TMEM108: variants seen among roughly 807,000 people sequenced by gnomAD.
TMEM108 encodes the protein cancer/testis antigen 124.
A neutral mutation model predicts 35.1 loss-of-function variants in TMEM108; 12 were observed. That is an observed-to-expected ratio of 0.34 (90% CI 0.22 to 0.55). TMEM108 has a LOEUF of 0.55. Ranked by LOEUF, TMEM108 falls within the 20% of genes least tolerant of loss-of-function variation. The pLI, the probability that TMEM108 is intolerant of heterozygous loss-of-function variation, is 0.89. For missense variants in TMEM108, 680 were observed against 753.3 expected, an observed-to-expected ratio of 0.90 and a Z score of 1.14; for synonymous variants, 287 against 308.6, an observed-to-expected ratio of 0.93 and a Z score of 0.73.
chr3:133,092,795 A>G (rs1197344310), intron 2 of TMEM108, among the ~76,000 whole-genome samples: 1 of 152,126 alleles, frequency 6.6e-6, no homozygotes, highest in Non-Finnish European at 1.5e-5. Flanking sequence ...TTGAAGCTAT[A>G]TTTATATTAT....
intron 2 of TMEM108, among the ~76,000 whole-genome samples, chr3:133,062,663 T>G (rs1251830979): frequency 1.3e-5 from 2 of 152,212 alleles, no homozygotes; most frequent in African/African-American, 4.8e-5. Flanking sequence ...TTACTTAATG[T>G]CAGTTCATTT....
At chr3:133,319,892 A>C (rs1313082481) in intron 3 of TMEM108, among the ~76,000 whole-genome samples, 8 of 152,240 alleles carry the variant, frequency 5.3e-5, no homozygotes, top group Admixed American at 5.2e-4. Context: ...TCTGAAGAGC[A>C]GCCCTTAAGT....
chr3:133,300,249 G>A (rs75248587), intron 3 of TMEM108, among the ~76,000 whole-genome samples: 6,152 of 152,194 alleles, frequency 0.04, 385 homozygotes, highest in African/African-American at 0.13. Context: ...ACCTGAAAGA[G>A]ACGGATTAAT....
chr3:133,373,267 T>C (rs1386707424), intron 3 of TMEM108, among the ~76,000 whole-genome samples: 1 of 151,054 alleles, frequency 6.6e-6, no homozygotes, highest in Non-Finnish European at 1.5e-5. Flanking sequence ...GAGGATCACT[T>C]GAGCCCAGGA....
At chr3:133,254,312 A>T (rs564534579) in intron 3 of TMEM108, among the ~76,000 whole-genome samples, 1 of 152,250 alleles carries the variant, frequency 6.6e-6, no homozygotes, top group African/African-American at 2.4e-5. Flanking sequence ...AATAGTGACA[A>T]CAAAGGCTTC....
rs2071243464 is a variant in TMEM108, at chr3:133,319,790, C to T, written c.41-59962C>T. On this transcript the variant is annotated intron_variant, in intron 3 of 5. Transcript: ENST00000321871. ...CCAGAAGAACAACAATCACTGCAGT[C>T]TAGTTCACAGGAAGCCCCATCCCTA... is the stretch of plus-strand genomic sequence containing the variant. Among the ~76,000 whole-genome samples the T allele has an allele frequency of 2.6e-5, 4 of 152,162 alleles. No individual in the cohort carries two copies. The South Asian group carries it at 8.3e-4, about 32-fold the overall frequency.
At position 133,378,342 on chromosome 3, in the gene TMEM108, G is replaced by C. The variant is rs576064537; in HGVS notation, c.41-1410G>C. On this transcript the variant is annotated intron_variant, in intron 3 of 5. Transcript: ENST00000321871. Reference sequence around the variant, plus strand: ...CCTCCCCATCTCTGCTTCTCGCCAGGGCCCTGCCTTCTCCATCAGACACCT... The same window carrying C: ...CCTCCCCATCTCTGCTTCTCGCCAGCGCCCTGCCTTCTCCATCAGACACCT... 1.6e-4 allele frequency: 159 copies of C among 985,476 alleles called. No individual in the cohort carries two copies. The Middle Eastern group carries it at 4.7e-3, about 29-fold the overall frequency. The allele number at this position is 985,476 out of a possible 1,614,324, so 61.0% of individuals were successfully genotyped here. A position where few individuals can be genotyped will look rare whatever the true frequency, so the allele number is the denominator to read the frequency against.
intron 2 of TMEM108, among the ~76,000 whole-genome samples, chr3:133,138,026 C>T (rs1944589297): frequency 6.6e-6 from 1 of 152,120 alleles, no homozygotes; most frequent in African/African-American, 2.4e-5. Flanking sequence ...TTGTGTTATA[C>T]AGATTAAAAT....
At chr3:133,123,732 AG>A (rs1944381713) in intron 2 of TMEM108, among the ~76,000 whole-genome samples, 1 of 152,234 alleles carries the variant, frequency 6.6e-6, no homozygotes, top group African/African-American at 2.4e-5. Context: ...AAACTAGAAA[AG>A]TGGGTCTTTT....
chr3:133,371,388 C>T (rs1403927059), intron 3 of TMEM108, among the ~76,000 whole-genome samples: 1 of 152,038 alleles, frequency 6.6e-6, no homozygotes, highest in African/African-American at 2.4e-5. Flanking sequence ...TTCACATGGC[C>T]AACAGGGTTG....
chr3:133,138,299 C>G (rs1944593161), intron 2 of TMEM108, among the ~76,000 whole-genome samples: 1 of 152,156 alleles, frequency 6.6e-6, no homozygotes. Flanking sequence ...CACCTTACCC[C>G]ACAAGGAATG....
chr3:133,310,645 T>C (rs888387611), intron 3 of TMEM108, among the ~76,000 whole-genome samples: 11 of 144,576 alleles, frequency 7.6e-5, no homozygotes, highest in African/African-American at 2.8e-4. Context: ...GTCTCCTGAA[T>C]ACAGCACACT....
Position 133,346,867 on chromosome 3 carries a change from A to G in TMEM108, c.41-32885A>G, listed in dbSNP as rs2071833105. Among the ~76,000 whole-genome samples the G allele has an allele frequency of 6.6e-6, 1 of 152,228 alleles. No individual in the cohort carries two copies. Among genetic ancestry groups the G allele is most frequent in the East Asian group, 1.9e-4 (1 of 5,182 alleles). On this transcript the variant is annotated intron_variant, in intron 3 of 5. Transcript: ENST00000321871. This position sits in a 1 kb window ranked among gnomAD's most constrained non-coding sequence, Gnocchi z 4.0. The stretch of plus-strand genomic sequence containing the variant: ...ATTCATGTTTTGCATGTGGATGTCC[A>G]GTTGTCCTGGCACCGTTTATTGAAC...
At chr3:133,370,350 T>C (rs1276594860) in intron 3 of TMEM108, among the ~76,000 whole-genome samples, 1 of 152,154 alleles carries the variant, frequency 6.6e-6, no homozygotes, top group Non-Finnish European at 1.5e-5. Context: ...GTCTGATGTT[T>C]TTCTTATAAC....
chr3:133,362,885 T>C (rs527894222), intron 3 of TMEM108, among the ~76,000 whole-genome samples: 1 of 152,318 alleles, frequency 6.6e-6, no homozygotes, highest in Admixed American at 6.5e-5. Context: ...ATTATTTTCA[T>C]TGAGGGCACA....
intron 2 of TMEM108, among the ~76,000 whole-genome samples, chr3:133,218,214 G>A (rs1444703184): frequency 1.3e-5 from 2 of 151,808 alleles, no homozygotes; most frequent in East Asian, 3.8e-4. Context: ...ATAGTTTGTT[G>A]TTAGTGTATA....
At chr3:133,261,846 T>A (rs990165040) in intron 3 of TMEM108, among the ~76,000 whole-genome samples, 1 of 152,170 alleles carries the variant, frequency 6.6e-6, no homozygotes, top group Non-Finnish European at 1.5e-5. Flanking sequence ...CCAGCTTGGA[T>A]GTTAATATGT....
At position 133,322,817 on chromosome 3, in the gene TMEM108, C is replaced by G. The variant is rs142935612; in HGVS notation, c.41-56935C>G. On this transcript the variant is annotated intron_variant, in intron 3 of 5. Transcript: ENST00000321871. Reference sequence around the variant, plus strand: ...AACAACGTATCAAAAAGATAATAAACCATGATCAAGTGGGTTTTACACCAA... The same window carrying G: ...AACAACGTATCAAAAAGATAATAAAGCATGATCAAGTGGGTTTTACACCAA... Among the ~76,000 whole-genome samples, 636 of 152,156 alleles carry G rather than the reference C, an allele frequency of 4.2e-3. 2 individuals carry two copies. The highest frequency in any genetic ancestry group is 0.014 in the African/African-American group (591 of 41,534).
intron 2 of TMEM108, among the ~76,000 whole-genome samples, chr3:133,088,130 G>A (rs1265348232): frequency 6.6e-6 from 1 of 152,142 alleles, no homozygotes; most frequent in Non-Finnish European, 1.5e-5. Context: ...AGATGTCTGT[G>A]GTCCTTGTTG....
Sources: allele counts gnomAD v4.1 joint callset (sites outside exome capture counted in the v4.1 genomes callset), GRCh38; gene constraint gnomAD v4.1.1; non-coding constraint Gnocchi (gnomAD v3.1); transcripts MANE v1.5; gene names NCBI Gene and HGNC (gene_info 2026-07-23, HGNC 2026-07-21).